CIMIP3: variants seen among roughly 807,000 people sequenced by gnomAD.
CIMIP3 encodes the protein ciliary microtubule inner protein 3, also known as GUCA1A neighbor.
the CIMIP3 span, among the ~76,000 whole-genome samples, chr6:42,162,180 G>A: frequency 6.9e-5 from 10 of 144,708 alleles, no homozygotes; most frequent in African/African-American, 2.3e-4. Flanking sequence ...TTGGGAGGCC[G>A]AGGCGGGTGA....
At chr6:42,162,087 A>ATT in the CIMIP3 span, among the ~76,000 whole-genome samples, 175 of 111,778 alleles carry the variant, frequency 1.6e-3, 4 homozygotes, top group African/African-American at 5.5e-3. Flanking sequence ...TGGAAGCCAC[A>ATT]TTCTTTTTTT....
the CIMIP3 span, among the ~76,000 whole-genome samples, chr6:42,162,363 C>T: frequency 2.6e-4 from 39 of 150,542 alleles, no homozygotes; most frequent in Non-Finnish European, 4.6e-4. Context: ...TGCAGTGAGC[C>T]GAGATCGTGC....
chr6:42,162,299 A>T, the CIMIP3 span, among the ~76,000 whole-genome samples: 1 of 149,184 alleles, frequency 6.7e-6, no homozygotes, highest in Non-Finnish European at 1.5e-5. Flanking sequence ...CTGTAATCCC[A>T]GCTTACTCAG....
the CIMIP3 span, among the ~76,000 whole-genome samples, chr6:42,160,947 G>C: frequency 6.6e-6 from 1 of 152,208 alleles, no homozygotes; most frequent in African/African-American, 2.4e-5. Context: ...CCAGCACTTT[G>C]GGAGGCTGAG....
the CIMIP3 span, among the ~76,000 whole-genome samples, chr6:42,157,544 C>T: frequency 3.3e-5 from 5 of 150,676 alleles, no homozygotes; most frequent in Non-Finnish European, 7.4e-5. Context: ...GCCATGGTGC[C>T]GGCTCTTTTT....
At chr6:42,159,304 A>G in the CIMIP3 span, among the ~76,000 whole-genome samples, 1 of 152,238 alleles carries the variant, frequency 6.6e-6, no homozygotes, top group Admixed American at 6.5e-5. Flanking sequence ...CCAAAGAGGC[A>G]GAGGTACCAA....
chr6:42,163,136 C>G, the CIMIP3 span: 1 of 673,114 alleles, frequency 1.5e-6, no homozygotes, highest in Non-Finnish European at 2.8e-6. Context: ...CTCCCTGAAC[C>G]CCTTCTACAC....
At chr6:42,156,116 C>T in the CIMIP3 span, among the ~76,000 whole-genome samples, 1 of 151,994 alleles carries the variant, frequency 6.6e-6, no homozygotes, top group African/African-American at 2.4e-5. Context: ...ACCTCAGCCT[C>T]CCAAGTGGCT....
At chr6:42,162,009 G>A in the CIMIP3 span, among the ~76,000 whole-genome samples, 1 of 151,426 alleles carries the variant, frequency 6.6e-6, no homozygotes, top group Non-Finnish European at 1.5e-5. Flanking sequence ...CCGGATGTGA[G>A]CAGGGAACAA....
the CIMIP3 span, among the ~76,000 whole-genome samples, chr6:42,158,303 G>A: frequency 6.6e-6 from 1 of 152,184 alleles, no homozygotes; most frequent in Admixed American, 6.5e-5. Flanking sequence ...TTGGAGGCTG[G>A]CTTGGCCCCT....
the CIMIP3 span, among the ~76,000 whole-genome samples, chr6:42,156,530 G>A: frequency 7.2e-5 from 11 of 151,944 alleles, no homozygotes; most frequent in Admixed American, 2.0e-4. Flanking sequence ...GCCTACCCCC[G>A]GCTTCCCTAA....
At chr6:42,162,176 G>A in the CIMIP3 span, among the ~76,000 whole-genome samples, 1 of 148,964 alleles carries the variant, frequency 6.7e-6, no homozygotes, top group East Asian at 2.0e-4. Context: ...CACTTTGGGA[G>A]GCCGAGGCGG....
chr6:42,158,998 G>T, the CIMIP3 span, among the ~76,000 whole-genome samples: 23 of 152,314 alleles, frequency 1.5e-4, no homozygotes, highest in Admixed American at 6.5e-4. Context: ...GTGGCGTCAG[G>T]AGGACAAAAC....
At chr6:42,159,952 G>A in the CIMIP3 span, among the ~76,000 whole-genome samples, 2 of 152,096 alleles carry the variant, frequency 1.3e-5, no homozygotes, top group South Asian at 4.1e-4. Flanking sequence ...CCACTGACAG[G>A]GTTTGGTGCG....
At chr6:42,162,872 G>A in the CIMIP3 span, 2 of 594,776 alleles carry the variant, frequency 3.4e-6, no homozygotes, top group Non-Finnish European at 6.2e-6. Flanking sequence ...AGCAGTTGAA[G>A]TCCCAGTATC....
At chr6:42,162,989 C>T in the CIMIP3 span, 1 of 714,618 alleles carries the variant, frequency 1.4e-6, no homozygotes. Context: ...GAAGGCTCCA[C>T]ACTCGTCCCG....
chr6:42,157,064 ATCT>A, the CIMIP3 span, among the ~76,000 whole-genome samples: 3 of 152,150 alleles, frequency 2.0e-5, no homozygotes, highest in Non-Finnish European at 2.9e-5. Flanking sequence ...CACAGATGAG[ATCT>A]TCTTGCCCTA....
the CIMIP3 span, chr6:42,163,058 G>A: frequency 5.3e-5 from 38 of 717,442 alleles, no homozygotes; most frequent in Non-Finnish European, 6.0e-5. Context: ...TGTGCCGGTC[G>A]TTGTGGACTC....
At chr6:42,162,090 CTTTT>C in the CIMIP3 span, among the ~76,000 whole-genome samples, 3 of 63,092 alleles carry the variant, frequency 4.8e-5, no homozygotes, top group African/African-American at 2.2e-4. Flanking sequence ...AAGCCACATT[CTTTT>C]TTTTTTTTTT....
Sources: allele counts gnomAD v4.1 joint callset (sites outside exome capture counted in the v4.1 genomes callset), GRCh38; gene constraint gnomAD v4.1.1; transcripts MANE v1.5; gene names NCBI Gene and HGNC (gene_info 2026-07-23, HGNC 2026-07-21).